Variants in PLCB4 observed in about 807,000 individuals in gnomAD.
PLCB4 encodes the protein phospholipase C beta 4.
A neutral mutation model predicts 178.8 loss-of-function variants in PLCB4; 77 were observed. The ratio of observed to expected loss-of-function variants is 0.43; its 90% CI spans 0.36 to 0.52. The LOEUF is 0.52. Ranked by LOEUF, PLCB4 falls within the 20% of genes least tolerant of loss-of-function variation. The pLI is 0.00. For missense variants in PLCB4, 1,024 were observed against 1,453.4 expected (o/e 0.70, Z 4.80); for synonymous variants, 496 against 490.8 (o/e 1.01, Z -0.14).
chr20:9,077,916 T>C (rs186682632), intron 1 of PLCB4, among the ~76,000 whole-genome samples: 2 of 152,374 alleles, frequency 1.3e-5, no homozygotes, highest in Non-Finnish European at 2.9e-5. Flanking sequence ...GATTAGGAGA[T>C]AATGCTATTT....
At chr20:9,276,732 G>A (rs763298257) in intron 3 of PLCB4, among the ~76,000 whole-genome samples, 48 of 152,052 alleles carry the variant, frequency 3.2e-4, no homozygotes, top group Middle Eastern at 3.4e-3. Flanking sequence ...CAGAAATGAA[G>A]ATTCAAATCC....
intron 25 of PLCB4, among the ~76,000 whole-genome samples, chr20:9,416,061 ACT>A (rs2040222287): frequency 6.6e-6 from 1 of 151,998 alleles, no homozygotes; most frequent in Non-Finnish European, 1.5e-5. Context: ...GCTTCTGCAT[ACT>A]CTGTTTTACT....
chr20:9,134,081 A>G (rs1421146946), intron 2 of PLCB4, among the ~76,000 whole-genome samples: 3 of 152,268 alleles, frequency 2.0e-5, no homozygotes, highest in African/African-American at 7.2e-5. Flanking sequence ...CATAATATAG[A>G]CCAGTTATTC....
chr20:9,260,938 A>C (rs1385607704), intron 3 of PLCB4, among the ~76,000 whole-genome samples: 1 of 152,162 alleles, frequency 6.6e-6, no homozygotes, highest in Admixed American at 6.5e-5. Context: ...AAAGAGGCTA[A>C]GTTGCATGAA....
At chr20:9,170,888 G>T (rs1288955937) in intron 2 of PLCB4, among the ~76,000 whole-genome samples, 1 of 152,208 alleles carries the variant, frequency 6.6e-6, no homozygotes, top group Admixed American at 6.5e-5. Flanking sequence ...TGGTCATGAA[G>T]AAGCAGTTTT....
chr20:9,315,019 G>A (rs180763619), intron 4 of PLCB4, among the ~76,000 whole-genome samples: 23 of 152,164 alleles, frequency 1.5e-4, no homozygotes, highest in African/African-American at 5.5e-4. Context: ...TTACAAGCAT[G>A]TGCCACCATG....
intron 22 of PLCB4, 22 bp from the exon 23 acceptor site, chr20:9,408,611 C>T: frequency 8.1e-7 from 1 of 1,232,238 alleles, no homozygotes; most frequent in Non-Finnish European, 1.2e-6. Context: ...TTCCTGAATC[C>T]ATCTTTGCTT....
chr20:9,164,444 C>T (rs900290887), intron 2 of PLCB4, among the ~76,000 whole-genome samples: 1 of 152,060 alleles, frequency 6.6e-6, no homozygotes, highest in African/African-American at 2.4e-5. Flanking sequence ...CTCATGTCTT[C>T]TGAATCATTT....
intron 22 of PLCB4, 128 bp downstream of exon 22, chr20:9,408,186 T>C: frequency 1.3e-6 from 1 of 779,804 alleles, no homozygotes; most frequent in Non-Finnish European, 2.1e-6. Flanking sequence ...CACCTTATTT[T>C]TGTTTCACAG....
intron 32 of PLCB4, among the ~76,000 whole-genome samples, chr20:9,452,684 C>G (rs1038663968): frequency 6.6e-6 from 1 of 152,138 alleles, no homozygotes; most frequent in African/African-American, 2.4e-5. Context: ...TTACGTGAAG[C>G]AGATGGGAAA....
chr20:9,474,014 C>T (rs1365878938), intron 38 of PLCB4, among the ~76,000 whole-genome samples: 2 of 152,038 alleles, frequency 1.3e-5, no homozygotes, highest in Non-Finnish European at 2.9e-5. Context: ...GTCAGGAGAT[C>T]GAGACCATCC....
intron 19 of PLCB4, among the ~76,000 whole-genome samples, chr20:9,400,346 A>C (rs2038932573): frequency 6.6e-6 from 1 of 152,364 alleles, no homozygotes; most frequent in Non-Finnish European, 1.5e-5. Flanking sequence ...ACTGGAAAAA[A>C]CCGTCAGTTG....
chr20:9,326,485 C>G (rs1021775568), intron 4 of PLCB4, among the ~76,000 whole-genome samples: 10 of 151,996 alleles, frequency 6.6e-5, no homozygotes, highest in Admixed American at 6.6e-5. Flanking sequence ...ATTTTTGTTC[C>G]TATTGGTTTT....
intron 3 of PLCB4, among the ~76,000 whole-genome samples, chr20:9,294,843 T>A (rs1354510157): frequency 6.6e-6 from 1 of 152,120 alleles, no homozygotes; most frequent in Non-Finnish European, 1.5e-5. Context: ...CGGGGTACCA[T>A]ACTTTAAGAA....
chr20:9,224,307 C>T (rs976457643), intron 3 of PLCB4, among the ~76,000 whole-genome samples: 1 of 152,194 alleles, frequency 6.6e-6, no homozygotes, highest in Non-Finnish European at 1.5e-5. Context: ...CAGTGGCTCT[C>T]TCTTCTCTCC....
intron 39 of PLCB4, among the ~76,000 whole-genome samples, chr20:9,477,143 G>A (rs997041268): frequency 1.3e-5 from 2 of 152,112 alleles, no homozygotes; most frequent in African/African-American, 4.8e-5. Flanking sequence ...GCTGAAAGTT[G>A]GTTGGTGGTT....
chr20:9,420,676 C>T (rs1304036930), intron 26 of PLCB4, among the ~76,000 whole-genome samples: 1 of 152,000 alleles, frequency 6.6e-6, no homozygotes, highest in Non-Finnish European at 1.5e-5. Flanking sequence ...TCAAATATAC[C>T]TCAAAAAAGC....
At chr20:9,225,143 T>C (rs988428484) in intron 3 of PLCB4, among the ~76,000 whole-genome samples, 1 of 152,200 alleles carries the variant, frequency 6.6e-6, no homozygotes, top group African/African-American at 2.4e-5. Context: ...AAAGTGTTCA[T>C]TGTAGAATCT....
At chr20:9,419,717 G>T in intron 25 of PLCB4, 90 bp from the exon 26 acceptor site, 1 of 838,688 alleles carries the variant, frequency 1.2e-6, no homozygotes, top group South Asian at 1.4e-5. Context: ...TGTTACAGAT[G>T]GAGAAAAGGA....
Sources: gnomAD v4.1 joint callset for allele counts (sites outside exome capture counted in the v4.1 genomes callset) on GRCh38, gnomAD v4.1.1 for gene constraint, MANE v1.5 for transcripts, NCBI Gene and HGNC (gene_info 2026-07-23, HGNC 2026-07-21) for gene names.